The following UBASH3A variants were observed in gnomAD, a reference collection of about 807,000 sequenced individuals.
The protein encoded by UBASH3A is ubiquitin associated and SH3 domain containing A.
Under a neutral mutation model 73.5 loss-of-function variants are expected in UBASH3A, and 63 were observed. The ratio of observed to expected loss-of-function variants is 0.86; its 90% CI spans 0.70 to 1.06. The LOEUF is 1.06. UBASH3A is among the 50% of genes least tolerant of loss of function. The probability of loss-of-function intolerance (pLI) is 0.00; values close to 1 mark genes in which losing one functional copy is unlikely to be tolerated. For synonymous variants in UBASH3A, 363 were observed against 351.1 expected (o/e 1.03, Z -0.38); for missense variants, 860 against 859.0 (o/e 1.00, Z -0.02).
intron 1 of UBASH3A, among the ~76,000 whole-genome samples, chr21:42,405,131 A>T (rs551654971): frequency 2.0e-5 from 3 of 152,308 alleles, no homozygotes; most frequent in South Asian, 2.1e-4. Flanking sequence ...AGTAACTCTG[A>T]AGCTAGACAA....
intron 3 of UBASH3A, chr21:42,410,524 C>T (rs140630190): frequency 3.5e-4 from 130 of 372,590 alleles, no homozygotes; most frequent in African/African-American, 2.4e-3. Flanking sequence ...CCAAAGCCTC[C>T]AACCACCACC....
At chr21:42,435,938 T>C (rs1374342223) in intron 10 of UBASH3A, among the ~76,000 whole-genome samples, 5 of 151,870 alleles carry the variant, frequency 3.3e-5, no homozygotes, top group Admixed American at 2.6e-4. Flanking sequence ...GTCATAGAGT[T>C]ATAGAGTTAG....
At chr21:42,443,011 G>A in intron 12 of UBASH3A, 1 of 757,508 alleles carries the variant, frequency 1.3e-6, no homozygotes, top group Non-Finnish European at 1.8e-6. Flanking sequence ...TCATTGAGAA[G>A]AAGGTTCAGA....
intron 8 of UBASH3A, among the ~76,000 whole-genome samples, chr21:42,428,250 G>A (rs1200636972): frequency 3.3e-5 from 5 of 152,150 alleles, no homozygotes; most frequent in East Asian, 1.9e-4. Flanking sequence ...CACACGCAGC[G>A]TCCCTGTCGC....
Position 42,413,591 on chromosome 21 carries a change from T to G in UBASH3A, c.667+68T>G, listed in dbSNP as rs1601563898. ...TTAGGCGGGAATAGCCTTGTTCTCA[T>G]TATGTGGTTTTTAAAATGCTTAGCT... On this transcript the variant is annotated intron_variant, in intron 5 of 14. Transcript: ENST00000319294. This position sits in a 1 kb window ranked among gnomAD's most constrained non-coding sequence, Gnocchi z 4.5. 1 of 1,201,424 alleles carries G rather than the reference T, an allele frequency of 8.3e-7. No individual in the cohort carries two copies. The highest frequency in any genetic ancestry group is 1.2e-6 in the Non-Finnish European group (1 of 836,826). 74.4% of individuals were successfully genotyped at this position (1,201,424 alleles called of 1,614,324 possible).
chr21:42,443,733 C>T (rs1601606949), intron 13 of UBASH3A, among the ~76,000 whole-genome samples: 1 of 150,198 alleles, frequency 6.7e-6, no homozygotes, highest in Non-Finnish European at 1.5e-5. Flanking sequence ...TTCCCCTGCC[C>T]GCCCCCCACC....
Position 42,416,613 on chromosome 21 carries a change from T to C in UBASH3A, c.837+2T>C. 1.3e-6 allele frequency: 2 copies of C among 1,562,190 alleles called. No individual in the cohort carries two copies. Among genetic ancestry groups the C allele is most frequent in the Admixed American group, 1.9e-5 (1 of 53,248 alleles). The stretch of plus-strand genomic sequence containing the variant: ...GACATGCGCTTTGTGCACTACCAGG[T>C]GAGAGAGCTGAGCAGGGGCTCATAA... On this transcript the variant is annotated splice_donor_variant, in intron 6 of 14. Transcript: ENST00000319294. LOFTEE classifies it high-confidence loss of function.
chr21:42,432,027 G>C (rs2053540470), intron 8 of UBASH3A, 76 bp from the exon 9 acceptor site: 11 of 838,560 alleles, frequency 1.3e-5, no homozygotes, highest in Non-Finnish European at 2.2e-5. Context: ...GGGTGACTGG[G>C]AGAGCTGCCA....
At chr21:42,411,938 C>T (rs1032811404) in intron 3 of UBASH3A, among the ~76,000 whole-genome samples, 2 of 152,162 alleles carry the variant, frequency 1.3e-5, no homozygotes, top group Non-Finnish European at 2.9e-5. Context: ...AATGTCAGGC[C>T]GGCCTGTCCA....
intron 11 of UBASH3A, among the ~76,000 whole-genome samples, chr21:42,441,503 T>C (rs1200477825): frequency 7.9e-6 from 1 of 126,184 alleles, no homozygotes; most frequent in Non-Finnish European, 1.7e-5. Context: ...GGGGGCCTGG[T>C]TGATGAAGGA....
rs201568669 is a variant in UBASH3A, at chr21:42,409,544, G to C, written c.290G>C (p.Arg97Pro). The C allele has an allele frequency of 6.2e-7, 1 of 1,613,980 alleles. No individual in the cohort carries two copies. Among genetic ancestry groups the C allele is most frequent in the Non-Finnish European group, 8.5e-7 (1 of 1,180,026 alleles). The change falls in exon 3 of 15, where the codon CGC becomes CCC. Residue 97 changes from arginine (R) to proline (P), a missense_variant. Transcript: ENST00000319294. ...KLQEFWRESKRQCAKNRAHEV... is the reference protein window; with the variant it reads ...KLQEFWRESKPQCAKNRAHEV... ...CAAGAGTTCTGGAGAGAGAGCAAGC[G>C]CCAGTGTGCAAAGAACAGAGCTCAT...
chr21:42,425,625 T>A (rs541113649), intron 7 of UBASH3A, among the ~76,000 whole-genome samples: 1 of 152,258 alleles, frequency 6.6e-6, no homozygotes, highest in African/African-American at 2.4e-5. Flanking sequence ...CAAAGTAAAT[T>A]GGCCTGGACC....
chr21:42,413,762 A>G lies in UBASH3A; in HGVS notation c.667+239A>G, dbSNP rs2053148786. 1.3e-5 allele frequency among the ~76,000 whole-genome samples: 2 copies of G among 152,148 alleles called. No individual in the cohort carries two copies. Among genetic ancestry groups the G allele is most frequent in the Admixed American group, 1.3e-4 (2 of 15,284 alleles). On this transcript the variant is annotated intron_variant, in intron 5 of 14. Transcript: ENST00000319294. This position sits in a 1 kb window ranked among gnomAD's most constrained non-coding sequence, Gnocchi z 4.5. ...CTTGAGTGGGAGACACACAAGTCCT[A>G]CGTGACTTATTTCTGTATTTTCAGT...
chr21:42,447,323 C>A lies in UBASH3A; in HGVS notation c.*129C>A. ...GTGATTTGTAGAAGCACGAGACGCA[C>A]TTTTATATCCCGGAATATTTCCCTC... On this transcript the variant is annotated 3_prime_UTR_variant, in exon 15 of 15. Transcript: ENST00000319294. The A allele has an allele frequency of 2.0e-6, 2 of 987,910 alleles. No homozygotes were observed. The highest frequency in any genetic ancestry group is 1.6e-5 in the African/African-American group (1 of 61,104). 61.2% of individuals were successfully genotyped at this position (987,910 alleles called of 1,614,324 possible). A position where few individuals can be genotyped will look rare whatever the true frequency, so the allele number is the denominator to read the frequency against.
chr21:42,411,022 A>C (rs1363678288), intron 3 of UBASH3A, among the ~76,000 whole-genome samples: 1 of 151,606 alleles, frequency 6.6e-6, no homozygotes, highest in Non-Finnish European at 1.5e-5. Context: ...AGACACACAC[A>C]GACATGGAGA....
intron 11 of UBASH3A, among the ~76,000 whole-genome samples, chr21:42,438,837 T>C (rs2053675925): frequency 6.6e-6 from 1 of 151,826 alleles, no homozygotes; most frequent in African/African-American, 2.4e-5. Context: ...GAATGGATGC[T>C]CAAGGCAGGG....
At chr21:42,442,734 AG>A in intron 12 of UBASH3A, 138 bp downstream of exon 12, 2 of 930,918 alleles carry the variant, frequency 2.1e-6, no homozygotes, top group Non-Finnish European at 1.6e-6. Flanking sequence ...CAGGGGAGAG[AG>A]GTGGGGCTCA....
intron 12 of UBASH3A, chr21:42,443,037 T>G (rs578163368): frequency 2.0e-6 from 2 of 1,024,050 alleles, no homozygotes; most frequent in South Asian, 3.0e-5. Context: ...TGGACTGGAG[T>G]TTAGTCAAGG....
At chr21:42,441,527 T>C in intron 11 of UBASH3A, among the ~76,000 whole-genome samples, 1 of 104,248 alleles carries the variant, frequency 9.6e-6, no homozygotes, top group Non-Finnish European at 1.9e-5. Flanking sequence ...CTCGGGGGCC[T>C]GGTTGATGGG....
Sources: gnomAD v4.1 joint callset for allele counts (sites outside exome capture counted in the v4.1 genomes callset) on GRCh38, gnomAD v4.1.1 for gene constraint, Gnocchi (gnomAD v3.1) non-coding constraint, MANE v1.5 for transcripts, NCBI Gene and HGNC (gene_info 2026-07-23, HGNC 2026-07-21) for gene names.